Variants in SMOC2 observed in about 807,000 individuals in gnomAD.
The protein encoded by SMOC2 is SPARC related modular calcium binding 2.
Under a neutral mutation model 61.4 loss-of-function variants are expected in SMOC2, and 39 were observed. That is an observed-to-expected ratio of 0.64 (90% CI 0.49 to 0.83). The LOEUF (loss-of-function observed/expected upper bound fraction) is 0.83, where lower values mean the gene tolerates loss of function less well. Among genes scored for constraint, SMOC2 ranks in the 40% least tolerant of loss-of-function variants. SMOC2 has a pLI of 0.00. For missense variants in SMOC2, 556 were observed against 592.9 expected (o/e 0.94, Z 0.65); for synonymous variants, 247 against 239.9 (o/e 1.03, Z -0.27).
chr6:168,600,107 A>G (rs572819941), intron 8 of SMOC2, among the ~76,000 whole-genome samples: 1 of 152,234 alleles, frequency 6.6e-6, no homozygotes, highest in Admixed American at 6.5e-5. Flanking sequence ...TGAGCTGCCT[A>G]TAAAAGCCAG....
At chr6:168,605,040 C>A (rs1052832273) in intron 8 of SMOC2, among the ~76,000 whole-genome samples, 3 of 152,050 alleles carry the variant, frequency 2.0e-5, no homozygotes, top group Non-Finnish European at 2.9e-5. Context: ...AGGTGGGAGC[C>A]GAGGGGCAAG....
At chr6:168,489,976 A>G (rs1405121850) in intron 1 of SMOC2, among the ~76,000 whole-genome samples, 3 of 151,882 alleles carry the variant, frequency 2.0e-5, no homozygotes, top group Non-Finnish European at 4.4e-5. Context: ...ACACTGTTTT[A>G]GAGGGAAATA....
chr6:168,468,531 C>A (rs1045783768), intron 1 of SMOC2, among the ~76,000 whole-genome samples: 2 of 152,174 alleles, frequency 1.3e-5, no homozygotes, highest in Non-Finnish European at 2.9e-5. Flanking sequence ...CTGGTCTTGA[C>A]AATGAAGGTT....
intron 7 of SMOC2, among the ~76,000 whole-genome samples, chr6:168,597,125 G>A (rs892837963): frequency 1.2e-4 from 18 of 152,214 alleles, no homozygotes; most frequent in African/African-American, 4.1e-4. Flanking sequence ...ATGATTGTTA[G>A]TCACTTTGGA....
rs540874778 is a variant in SMOC2 at position 168,644,921 on chromosome 6, A to T, written c.908-5760A>T. On this transcript the variant is annotated intron_variant, in intron 9 of 12. Coordinates refer to ENST00000356284, the MANE Select transcript of SMOC2 (RefSeq NM_001166412.2). ...CACCTCAGCCTCCCAAAGTGCTGGG[A>T]TTACAGGCGTGAGCCACCAGACCCA... is the stretch of plus-strand genomic sequence containing the variant. Among the ~76,000 whole-genome samples the T allele has an allele frequency of 3.1e-4, 47 of 152,320 alleles. No individual in the cohort carries two copies. The East Asian group carries it at 7.7e-3, about 25-fold the overall frequency.
At position 168,544,250 on chromosome 6, in the gene SMOC2, C is replaced by G. The variant is rs73041947; in HGVS notation, c.511+578C>G. On this transcript the variant is annotated intron_variant, in intron 5 of 12. Coordinates refer to ENST00000356284, the MANE Select transcript of SMOC2 (RefSeq NM_001166412.2). The surrounding 1 kb of genome is among the most constrained non-coding windows in gnomAD (Gnocchi z 4.1). Reference sequence around the variant, plus strand: ...TCCATCCTCTTCTCTGCCCTTGCCTCGGCCAACACCCTTCAGTACCAGGAC... The same window carrying G: ...TCCATCCTCTTCTCTGCCCTTGCCTGGGCCAACACCCTTCAGTACCAGGAC... Among the ~76,000 whole-genome samples, 1 of 152,188 alleles carries G rather than the reference C, an allele frequency of 6.6e-6. No individual in the cohort carries two copies. The highest frequency in any genetic ancestry group is 1.5e-5 in the Non-Finnish European group (1 of 68,036).
chr6:168,550,569 T>C (rs1179347728), intron 7 of SMOC2, among the ~76,000 whole-genome samples: 3 of 152,134 alleles, frequency 2.0e-5, no homozygotes, highest in Non-Finnish European at 2.9e-5. Flanking sequence ...ACAGGTCCAA[T>C]GTGTGATCTC....
intron 11 of SMOC2, among the ~76,000 whole-genome samples, chr6:168,658,772 A>T (rs911715497): frequency 4.6e-5 from 7 of 152,108 alleles, no homozygotes; most frequent in African/African-American, 1.7e-4. Context: ...AGCAGTTAAG[A>T]AGATGTTCTG....
intron 1 of SMOC2, among the ~76,000 whole-genome samples, chr6:168,480,086 A>AAT (rs1782173030): frequency 6.6e-6 from 1 of 152,164 alleles, no homozygotes; most frequent in Non-Finnish European, 1.5e-5. Context: ...AATAAGAAAA[A>AAT]ATATATACAT....
chr6:168,518,787 G>A (rs549774998), intron 2 of SMOC2, among the ~76,000 whole-genome samples: 1 of 150,824 alleles, frequency 6.6e-6, no homozygotes, highest in African/African-American at 2.4e-5. Flanking sequence ...ATGTGTGAAA[G>A]CATGTATGTG....
At chr6:168,529,689 C>T (rs1051299488) in intron 4 of SMOC2, among the ~76,000 whole-genome samples, 3 of 152,074 alleles carry the variant, frequency 2.0e-5, no homozygotes, top group Non-Finnish European at 2.9e-5. Context: ...ATTATGGAGG[C>T]GAGAGGTGTT....
chr6:168,505,483 T>C (rs1441099966), intron 1 of SMOC2, among the ~76,000 whole-genome samples: 3 of 151,522 alleles, frequency 2.0e-5, no homozygotes, highest in Admixed American at 1.3e-4. Flanking sequence ...GATGAATGAG[T>C]GAATGGAATG....
intron 8 of SMOC2, among the ~76,000 whole-genome samples, chr6:168,599,463 CCA>C (rs201740628): frequency 8.3e-6 from 1 of 120,352 alleles, no homozygotes; most frequent in African/African-American, 3.3e-5. Context: ...CCCCACACAC[CCA>C]CTCACACCCA....
chr6:168,498,516 C>A (rs1484808409), intron 1 of SMOC2, among the ~76,000 whole-genome samples: 1 of 152,220 alleles, frequency 6.6e-6, no homozygotes, highest in Non-Finnish European at 1.5e-5. Flanking sequence ...AGAGCTACTT[C>A]TTCAGTAAAA....
intron 7 of SMOC2, among the ~76,000 whole-genome samples, chr6:168,596,691 T>G (rs1785344072): frequency 1.3e-5 from 2 of 152,270 alleles, no homozygotes; most frequent in Non-Finnish European, 2.9e-5. Context: ...TGTTTTCTGT[T>G]TCTTCCATGA....
intron 8 of SMOC2, among the ~76,000 whole-genome samples, chr6:168,600,891 A>C (rs1414514276): frequency 6.6e-6 from 1 of 152,254 alleles, no homozygotes; most frequent in African/African-American, 2.4e-5. Flanking sequence ...GGGTTTTCAC[A>C]GTAGCTCCTG....
intron 1 of SMOC2, among the ~76,000 whole-genome samples, chr6:168,477,541 A>G (rs1256305275): frequency 6.6e-6 from 1 of 152,360 alleles, no homozygotes; most frequent in East Asian, 1.9e-4. Flanking sequence ...TTCTGGACAT[A>G]TAACAGAGCC....
intron 1 of SMOC2, among the ~76,000 whole-genome samples, chr6:168,449,657 A>G (rs534173670): frequency 1.3e-5 from 2 of 152,170 alleles, no homozygotes; most frequent in Non-Finnish European, 2.9e-5. Context: ...GGTGGCTGGC[A>G]GCTTGGGACT....
chr6:168,482,523 A>C (rs1782229701), intron 1 of SMOC2, among the ~76,000 whole-genome samples: 1 of 152,076 alleles, frequency 6.6e-6, no homozygotes, highest in South Asian at 2.1e-4. Context: ...TGAATGATTT[A>C]AGAAGAGGGA....
Sources: gnomAD v4.1 joint callset for allele counts (sites outside exome capture counted in the v4.1 genomes callset) on GRCh38, gnomAD v4.1.1 for gene constraint, Gnocchi (gnomAD v3.1) non-coding constraint, MANE v1.5 for transcripts, NCBI Gene and HGNC (gene_info 2026-07-23, HGNC 2026-07-21) for gene names.